PDE7B: variants seen among roughly 807,000 people sequenced by gnomAD.
The protein encoded by PDE7B is phosphodiesterase 7B, also known as 3',5'-cyclic-AMP phosphodiesterase 7B.
A neutral mutation model predicts 56.2 loss-of-function variants in PDE7B; 29 were observed. That is an observed-to-expected ratio of 0.52 (90% CI 0.38 to 0.70). The LOEUF (loss-of-function observed/expected upper bound fraction) is 0.70. Ranked by LOEUF, PDE7B falls within the 30% of genes least tolerant of loss-of-function variation. The probability of loss-of-function intolerance (pLI) is 0.00; values close to 1 mark genes in which losing one functional copy is unlikely to be tolerated. For missense variants in PDE7B, 490 were observed against 565.0 expected, an observed-to-expected ratio of 0.87 and a Z score of 1.35; for synonymous variants, 197 against 196.9, an observed-to-expected ratio of 1.00 and a Z score of 0.00.
At chr6:136,186,962 AT>A in intron 11 of PDE7B, 73 bp from the exon 12 acceptor site, 1 of 815,492 alleles carries the variant, frequency 1.2e-6, no homozygotes, top group South Asian at 1.4e-5. Context: ...CGACGAGGTC[AT>A]TAAAATTATT....
At chr6:136,127,583 T>C (rs1013942290) in intron 3 of PDE7B, among the ~76,000 whole-genome samples, 2 of 152,306 alleles carry the variant, frequency 1.3e-5, no homozygotes, top group Non-Finnish European at 2.9e-5. Context: ...GGCTTAAAGT[T>C]GGTAAAAATA....
chr6:136,082,427 T>C (rs1044070825), intron 2 of PDE7B, among the ~76,000 whole-genome samples: 1 of 152,206 alleles, frequency 6.6e-6, no homozygotes, highest in Non-Finnish European at 1.5e-5. Flanking sequence ...GTAAGATTAA[T>C]AATCTGATCA....
intron 1 of PDE7B, among the ~76,000 whole-genome samples, chr6:135,904,145 T>A (rs112575707): frequency 1.5e-3 from 228 of 152,342 alleles, no homozygotes; most frequent in African/African-American, 5.3e-3. Flanking sequence ...ATGTTTAAAC[T>A]GGACTTTTTC....
intron 1 of PDE7B, among the ~76,000 whole-genome samples, chr6:135,930,696 T>TG (rs1774278709): frequency 6.6e-6 from 1 of 152,146 alleles, no homozygotes; most frequent in African/African-American, 2.4e-5. Context: ...GACCCTAGGA[T>TG]GCTGGGTTGT....
intron 2 of PDE7B, among the ~76,000 whole-genome samples, chr6:136,072,192 C>T (rs551981750): frequency 2.0e-5 from 3 of 152,216 alleles, no homozygotes; most frequent in African/African-American, 7.2e-5. Flanking sequence ...ACAGTTCCTG[C>T]CCTTAATGGG....
chr6:136,069,560 G>A (rs779791375), intron 2 of PDE7B, among the ~76,000 whole-genome samples: 2 of 152,122 alleles, frequency 1.3e-5, no homozygotes, highest in Non-Finnish European at 2.9e-5. Context: ...AGTTTTTAAG[G>A]CATTCAAGAA....
intron 1 of PDE7B, among the ~76,000 whole-genome samples, chr6:135,865,837 T>A (rs1363863968): frequency 1.3e-5 from 2 of 152,282 alleles, no homozygotes; most frequent in East Asian, 3.9e-4. Flanking sequence ...TGGCACTTAA[T>A]AAGAAGTCTG....
intron 2 of PDE7B, among the ~76,000 whole-genome samples, chr6:135,955,105 A>C (rs1774766059): frequency 1.3e-5 from 2 of 152,150 alleles, no homozygotes; most frequent in Non-Finnish European, 2.9e-5. Context: ...ACACTTCAGA[A>C]AACATGTTCA....
intron 3 of PDE7B, among the ~76,000 whole-genome samples, chr6:136,132,808 A>G (rs1053664970): frequency 6.6e-6 from 1 of 152,156 alleles, no homozygotes; most frequent in Admixed American, 6.6e-5. Flanking sequence ...AACTAGTTCA[A>G]TGTGAAAATA....
intron 1 of PDE7B, among the ~76,000 whole-genome samples, chr6:135,909,946 C>T (rs1014069433): frequency 1.3e-5 from 2 of 152,132 alleles, no homozygotes; most frequent in African/African-American, 2.4e-5. Context: ...GCACTATGAG[C>T]CAGCTAGTCT....
chr6:136,000,987 T>A (rs555409930), intron 2 of PDE7B, among the ~76,000 whole-genome samples: 86 of 152,288 alleles, frequency 5.6e-4, no homozygotes, highest in African/African-American at 2.0e-3. Flanking sequence ...AGCCGGGTAC[T>A]CCTCTGAGAC....
chr6:136,181,262 T>C lies in PDE7B; in HGVS notation c.984T>C (p.Cys328=), dbSNP rs755487331. The change falls in exon 11 of 13, where the codon TGT becomes TGC. Residue 328 remains cysteine (C), a synonymous_variant. Coordinates refer to ENST00000308191, the MANE Select transcript of PDE7B (RefSeq NM_018945.4). ...ALKCADICNP[C]RIWEMSKQWS... ...AGTGTGCTGACATTTGCAATCCTTGTAGAATCTGGGAGATGAGCAAGCAGT... is the reference window on the plus strand; with the variant it reads ...AGTGTGCTGACATTTGCAATCCTTGCAGAATCTGGGAGATGAGCAAGCAGT... 1.2e-6 allele frequency: 2 copies of C among 1,613,960 alleles called. No homozygotes were observed. Among genetic ancestry groups the C allele is most frequent in the Non-Finnish European group, 1.7e-6 (2 of 1,179,828 alleles).
intron 2 of PDE7B, among the ~76,000 whole-genome samples, chr6:136,050,401 C>A (rs1776602949): frequency 7.8e-6 from 1 of 128,552 alleles, no homozygotes; most frequent in African/African-American, 3.1e-5. Context: ...GATAGACGTT[C>A]ACCAGAAAAT....
chr6:135,996,231 T>C (rs1775561998), intron 2 of PDE7B, among the ~76,000 whole-genome samples: 1 of 152,218 alleles, frequency 6.6e-6, no homozygotes, highest in South Asian at 2.1e-4. Flanking sequence ...GCATAATTAT[T>C]GGTCCATTTG....
intron 2 of PDE7B, chr6:136,038,169 A>G: frequency 7.7e-7 from 1 of 1,299,224 alleles, no homozygotes; most frequent in Non-Finnish European, 1.0e-6. Context: ...CTGCCTGGGA[A>G]GAATTTCCCC....
intron 2 of PDE7B, among the ~76,000 whole-genome samples, chr6:136,004,700 AAGAGGAT>A (rs1775743870): frequency 6.6e-6 from 1 of 152,168 alleles, no homozygotes; most frequent in Admixed American, 6.5e-5. Flanking sequence ...AAGGAAATAA[AAGAGGAT>A]ACAAACAAGT....
In PDE7B at chr6:135,889,541, AG is replaced by A. The variant is rs542116789; in HGVS notation, c.21+37523del. On this transcript the variant is annotated intron_variant, in intron 1 of 12. Transcript: ENST00000308191. ...CTGTAACCTCCACCTCCTGGGTTCAAGTGATTCTCCTGCCTCAGCCTCCTGA... is the reference window on the plus strand; with the variant it reads ...CTGTAACCTCCACCTCCTGGGTTCAATGATTCTCCTGCCTCAGCCTCCTGA... Among the ~76,000 whole-genome samples, 586 of 149,542 alleles carry A rather than the reference AG, an allele frequency of 3.9e-3. 3 individuals carry two copies. Among genetic ancestry groups the A allele is most frequent in the African/African-American group, 0.014 (551 of 40,266 alleles).
At chr6:135,887,587 G>C (rs1310221094) in intron 1 of PDE7B, among the ~76,000 whole-genome samples, 1 of 152,078 alleles carries the variant, frequency 6.6e-6, no homozygotes, top group African/African-American at 2.4e-5. Flanking sequence ...GTTGTGTACT[G>C]TATTCTGCTT....
intron 1 of PDE7B, among the ~76,000 whole-genome samples, chr6:135,928,031 A>G (rs1229770358): frequency 2.0e-5 from 3 of 152,198 alleles, no homozygotes; most frequent in African/African-American, 7.2e-5. Flanking sequence ...AATATATGAA[A>G]AAATGCTCAT....
Sources: gnomAD v4.1 joint callset for allele counts (sites outside exome capture counted in the v4.1 genomes callset) on GRCh38, gnomAD v4.1.1 for gene constraint, MANE v1.5 for transcripts, NCBI Gene and HGNC (gene_info 2026-07-23, HGNC 2026-07-21) for gene names.